The following RYR3 variants were observed in gnomAD, a reference collection of about 807,000 sequenced individuals.
RYR3 encodes brain ryanodine receptor-calcium release channel.
RYR3 carries 207 observed loss-of-function variants against 584.3 expected under a neutral mutation model. The observed-to-expected ratio is 0.35, with a 90% CI of 0.32 to 0.40. The LOEUF (loss-of-function observed/expected upper bound fraction) is 0.40. RYR3 is among the 10% of genes least tolerant of loss of function. RYR3 has a pLI of 1.00. For synonymous variants in RYR3, 2,416 were observed against 2,248.5 expected (o/e 1.07, Z -2.11); for missense variants, 5,616 against 6,089.2 (o/e 0.92, Z 2.59).
At chr15:33,316,600 T>C (rs1338806039) in intron 1 of RYR3, among the ~76,000 whole-genome samples, 1 of 152,186 alleles carries the variant, frequency 6.6e-6, no homozygotes, top group Non-Finnish European at 1.5e-5. Context: ...TAGATCACTA[T>C]CACCTTCAAG....
Position 33,843,586 on chromosome 15 carries a change from T to C in RYR3, c.13296+12T>C, listed in dbSNP as rs1297373416. 3 of 1,537,270 alleles carry C rather than the reference T, an allele frequency of 2.0e-6. No individual in the cohort carries two copies. Among genetic ancestry groups the C allele is most frequent in the Middle Eastern group, 1.7e-4 (1 of 5,962 alleles). The stretch of plus-strand genomic sequence containing the variant: ...TGCTTTTTTATAAGGTGATACTTCA[T>C]TCAGGGGTTATTTGCTAAATATGCT... On this transcript the variant is annotated intron_variant, in intron 92 of 103. Coordinates refer to ENST00000634891, the MANE Select transcript of RYR3 (RefSeq NM_001036.6).
intron 19 of RYR3, among the ~76,000 whole-genome samples, chr15:33,621,300 G>C (rs960275669): frequency 6.6e-6 from 1 of 152,152 alleles, no homozygotes; most frequent in African/African-American, 2.4e-5. Flanking sequence ...AAGCTACTAG[G>C]CATTCAGCTG....
chr15:33,743,476 A>G (rs1596390172), intron 52 of RYR3, among the ~76,000 whole-genome samples: 1 of 152,202 alleles, frequency 6.6e-6, no homozygotes, highest in South Asian at 2.1e-4. Context: ...CTGTGTTCCA[A>G]TCACATTTTA....
intron 88 of RYR3, among the ~76,000 whole-genome samples, chr15:33,837,424 G>A (rs2078115641): frequency 6.6e-6 from 1 of 152,130 alleles, no homozygotes; most frequent in Non-Finnish European, 1.5e-5. Flanking sequence ...GCAGTGGTGT[G>A]GCCACCTCCT....
Position 33,773,568 on chromosome 15 carries a change from G to T in RYR3, c.9090G>T (p.Leu3030=). 2 of 1,609,666 alleles carry T rather than the reference G, an allele frequency of 1.2e-6. No homozygotes were observed. Among genetic ancestry groups the T allele is most frequent in the Non-Finnish European group, 1.7e-6 (2 of 1,177,998 alleles). ...TGCAGATTTCATGCTACCACATACT[G>T]TGCAGCCTCTACTCCCTTGGGACGG... The part of the protein sequence containing the change: ...GDVQISCYHI[L]CSLYSLGTGK... Residue 3030 remains leucine (L), a synonymous_variant, in exon 64 of 104, where the codon CTG becomes CTT. Coordinates refer to ENST00000634891, the MANE Select transcript of RYR3 (RefSeq NM_001036.6).
intron 2 of RYR3, among the ~76,000 whole-genome samples, chr15:33,476,235 T>C (rs2142266247): frequency 6.6e-6 from 1 of 152,326 alleles, no homozygotes; most frequent in African/African-American, 2.4e-5. Context: ...GAAACAACAG[T>C]GTGTTGTAAT....
At chr15:33,771,847 C>A in intron 62 of RYR3, 73 bp from the exon 63 acceptor site, 1 of 1,039,246 alleles carries the variant, frequency 9.6e-7, no homozygotes, top group Non-Finnish European at 1.5e-6. Context: ...CCAGATGACA[C>A]TGCCAGTTTC....
chr15:33,380,575 A>T (rs1025246998), intron 1 of RYR3, among the ~76,000 whole-genome samples: 1 of 152,222 alleles, frequency 6.6e-6, no homozygotes, highest in Non-Finnish European at 1.5e-5. Context: ...CAAATTCCAC[A>T]GGCTGCACTT....
intron 1 of RYR3, among the ~76,000 whole-genome samples, chr15:33,441,152 C>T (rs539127156): frequency 8.0e-4 from 122 of 152,294 alleles, no homozygotes; most frequent in African/African-American, 2.9e-3. Flanking sequence ...AGGCTGAAAA[C>T]AGGGCTGAGT....
At chr15:33,757,043 T>G (rs928681767) in intron 59 of RYR3, among the ~76,000 whole-genome samples, 4 of 152,130 alleles carry the variant, frequency 2.6e-5, no homozygotes, top group African/African-American at 9.7e-5. Flanking sequence ...GGGCTCAAGT[T>G]AGCAGTCTCT....
intron 53 of RYR3, among the ~76,000 whole-genome samples, chr15:33,747,011 A>G (rs1036985894): frequency 1.3e-5 from 2 of 151,280 alleles, no homozygotes; most frequent in African/African-American, 2.4e-5. Context: ...GGGTTTCGCC[A>G]TGTTGGCCAG....
chr15:33,492,481 A>G (rs1042110429), intron 2 of RYR3, among the ~76,000 whole-genome samples: 2 of 150,604 alleles, frequency 1.3e-5, no homozygotes, highest in Non-Finnish European at 3.0e-5. Context: ...AAAAAATGCC[A>G]TGTAGGAGCA....
chr15:33,489,999 A>G (rs912909168), intron 2 of RYR3, among the ~76,000 whole-genome samples: 2 of 152,188 alleles, frequency 1.3e-5, no homozygotes, highest in African/African-American at 2.4e-5. Context: ...ACCATTTTGA[A>G]CCATTTGCAA....
At chr15:33,673,980 T>A (rs956655621) in intron 38 of RYR3, among the ~76,000 whole-genome samples, 3 of 152,210 alleles carry the variant, frequency 2.0e-5, no homozygotes, top group Non-Finnish European at 4.4e-5. Flanking sequence ...ATGTTACCTC[T>A]CGCAGAGATT....
chr15:33,740,096 C>A, intron 51 of RYR3, 101 bp downstream of exon 51: 1 of 941,340 alleles, frequency 1.1e-6, no homozygotes, highest in Non-Finnish European at 1.6e-6. Flanking sequence ...CTCTTTCCCT[C>A]CTGCCAACAC....
chr15:33,821,377 C>T lies in RYR3; in HGVS notation c.10915+8C>T, dbSNP rs1239729656. On this transcript the variant is annotated splice_region_variant and intron_variant, in intron 79 of 103. Coordinates refer to ENST00000634891, the MANE Select transcript of RYR3 (RefSeq NM_001036.6). ...TGATAAGCGCTAGCAAAGGTGATTTCCCTAGTTTCTGGATGGGCTTATGTA... is the reference window on the plus strand; with the variant it reads ...TGATAAGCGCTAGCAAAGGTGATTTTCCTAGTTTCTGGATGGGCTTATGTA... 1 of 1,597,940 alleles carries T rather than the reference C, an allele frequency of 6.3e-7. No homozygotes were observed. Among genetic ancestry groups the T allele is most frequent in the Non-Finnish European group, 8.5e-7 (1 of 1,171,876 alleles).
chr15:33,837,987 G>A lies in RYR3; in HGVS notation c.12007G>A (p.Glu4003Lys). The change falls in exon 89 of 104, where the codon GAA becomes AAA. Residue 4003 changes from glutamate (E) to lysine (K), a missense_variant. Around this residue, in one of 9 missense-constraint regions of RYR3, gnomAD observed 258 missense variants for 297.3 expected, o/e 0.87. Transcript: ENST00000634891. ...GGCTGTGTTATTGACAAATCTTTCT[G>A]AACACATGCCAAACGATTCCCGCCT... ...NVAVLLTNLS[E>K]HMPNDSRLKC... 6.2e-7 allele frequency: 1 copy of A among 1,613,990 alleles called. No individual in the cohort carries two copies. The highest frequency in any genetic ancestry group is 8.5e-7 in the Non-Finnish European group (1 of 1,179,894).
In RYR3 at chr15:33,865,163, G is replaced by A; in HGVS notation, c.14550G>A (p.Arg4850=). ...ATGTCTGGAAGATGTACCAAGAAAG[G>A]TGTTGGGATTTCTTCCCAGCCGGTG... The part of the protein sequence containing the change: ...ESYVWKMYQE[R]CWDFFPAGDC... Residue 4850 remains arginine (R), a synonymous_variant, in exon 104 of 104, where the codon AGG becomes AGA. Coordinates refer to ENST00000634891, the MANE Select transcript of RYR3 (RefSeq NM_001036.6). The A allele has an allele frequency of 6.2e-7, 1 of 1,613,724 alleles. No homozygotes were observed. Among genetic ancestry groups the A allele is most frequent in the Non-Finnish European group, 8.5e-7 (1 of 1,179,742 alleles).
rs1248271851 is a variant in RYR3 at position 33,586,120 on chromosome 15, G to A, written c.1788+4G>A. On this transcript the variant is annotated splice_donor_region_variant and intron_variant, in intron 16 of 103. Transcript: ENST00000634891. ...TAAGCACGGGCGGAATCACAAGGTAGGTGTGGAAAGAACGGTGATTGACTT... is the reference window on the plus strand; with the variant it reads ...TAAGCACGGGCGGAATCACAAGGTAAGTGTGGAAAGAACGGTGATTGACTT... The A allele has an allele frequency of 3.2e-6, 5 of 1,558,432 alleles. No homozygotes were observed. The Admixed American group carries it at 8.3e-5, about 26-fold the overall frequency.
Sources: allele counts gnomAD v4.1 joint callset (sites outside exome capture counted in the v4.1 genomes callset), GRCh38; gene constraint gnomAD v4.1.1; regional missense constraint gnomAD v4.1.1; transcripts MANE v1.5; gene names NCBI Gene and HGNC (gene_info 2026-07-23, HGNC 2026-07-21).